The following SNHG17 variants were observed in gnomAD, a reference collection of about 807,000 sequenced individuals.
SNHG17 encodes small nucleolar RNA host gene 17 (non-protein coding).
intron 3 of SNHG17, chr20:38,427,323 A>G (rs2084266777): frequency 2.0e-6 from 1 of 509,820 alleles, no homozygotes; most frequent in Non-Finnish European, 3.9e-6. Flanking sequence ...TGAAAGCTTC[A>G]GGGTTCGGAT....
chr20:38,423,538 T>C (rs1234875412), intron 5 of SNHG17, among the ~76,000 whole-genome samples: 3 of 134,674 alleles, frequency 2.2e-5, no homozygotes, highest in East Asian at 2.3e-4. Context: ...ATCTCACTTA[T>C]GTGTGCAATG....
chr20:38,427,236 C>T (rs544131904), intron 3 of SNHG17: 23 of 414,518 alleles, frequency 5.5e-5, no homozygotes, highest in Non-Finnish European at 7.3e-5. Context: ...ATGATGCCCC[C>T]CCGCACTGAC....
intron 5 of SNHG17, among the ~76,000 whole-genome samples, chr20:38,424,033 G>A (rs748103717): frequency 7.9e-5 from 12 of 151,978 alleles, no homozygotes; most frequent in Non-Finnish European, 1.6e-4. Flanking sequence ...TTAGCTGGGC[G>A]TGGTGATGCA....
rs769813948 is a variant in SNHG17, at chr20:38,427,456, G to A, written n.381-953C>T. The stretch of plus-strand genomic sequence containing the variant: ...TCGGATGCAGGAGCAGAAACAGACA[G>A]GAGAGCCAGGAAGGGCAGGAGGATG... On this transcript the variant is annotated intron_variant and non_coding_transcript_variant, in intron 3 of 8. Transcript: ENST00000654008. The A allele has an allele frequency of 1.2e-5, 6 of 512,392 alleles. No homozygotes were observed. In the East Asian group the frequency reaches 3.3e-4, roughly 28 times the overall value. The allele number at this position is 512,392 out of a possible 1,614,324, so 31.7% of individuals were successfully genotyped here.
intron 2 of SNHG17, chr20:38,433,817 A>G (rs1295139503): frequency 1.9e-6 from 1 of 519,148 alleles, no homozygotes; most frequent in South Asian, 1.4e-5. Flanking sequence ...GCACTCACTA[A>G]TAAGACACCA....
intron 2 of SNHG17, among the ~76,000 whole-genome samples, chr20:38,432,609 G>C (rs962822831): frequency 2.0e-5 from 3 of 152,188 alleles, no homozygotes; most frequent in Admixed American, 2.0e-4. Flanking sequence ...GTGGGAAATA[G>C]CTCTGACCAC....
At chr20:38,425,903 T>C (rs2084238671) in intron 5 of SNHG17, 1 of 152,610 alleles carries the variant, frequency 6.6e-6, no homozygotes, top group Non-Finnish European at 1.5e-5. Context: ...ACAAAAAATT[T>C]CTAAAAATTA....
chr20:38,431,886 A>T (rs1600768144), intron 2 of SNHG17: 1 of 455,158 alleles, frequency 2.2e-6, no homozygotes, highest in East Asian at 1.6e-4. Flanking sequence ...GGGCCAGCAC[A>T]AAGACACTCT....
chr20:38,430,471 A>T (rs2084324439), intron 3 of SNHG17, among the ~76,000 whole-genome samples: 2 of 151,684 alleles, frequency 1.3e-5, no homozygotes, highest in South Asian at 4.2e-4. Context: ...AATAGAAAAA[A>T]TTAGCTGGAC....
intron 5 of SNHG17, among the ~76,000 whole-genome samples, chr20:38,423,797 T>C (rs996871567): frequency 2.2e-4 from 33 of 152,188 alleles, no homozygotes; most frequent in Admixed American, 2.0e-3. Context: ...GGCTTCACCA[T>C]AGTAACCACT....
chr20:38,435,268 T>C, exon 1 of SNHG17: 1 of 1,231,804 alleles, frequency 8.1e-7, no homozygotes, highest in South Asian at 4.1e-5. Context: ...GTCTGCAGAT[T>C]TCGAGAGATG....
intron 2 of SNHG17, chr20:38,433,751 C>T: frequency 2.0e-6 from 1 of 504,704 alleles, no homozygotes; most frequent in Non-Finnish European, 4.0e-6. Context: ...GGGACTCACC[C>T]CTCATAGACC....
At chr20:38,427,060 C>T (rs772255255) in intron 3 of SNHG17, among the ~76,000 whole-genome samples, 4 of 149,572 alleles carry the variant, frequency 2.7e-5, no homozygotes, top group African/African-American at 5.0e-5. Context: ...ACCCCAACCT[C>T]AAAGTCTCCC....
chr20:38,427,325 G>C (rs1287120393), intron 3 of SNHG17: 3 of 509,624 alleles, frequency 5.9e-6, no homozygotes. Flanking sequence ...AAAGCTTCAG[G>C]GTTCGGATGG....
intron 5 of SNHG17, among the ~76,000 whole-genome samples, chr20:38,424,408 A>G (rs1019809887): frequency 6.6e-6 from 1 of 152,146 alleles, no homozygotes; most frequent in Non-Finnish European, 1.5e-5. Context: ...ATCTAAGGCC[A>G]GAAGGAAAAT....
At chr20:38,424,267 A>T (rs1213545844) in intron 5 of SNHG17, among the ~76,000 whole-genome samples, 2 of 151,904 alleles carry the variant, frequency 1.3e-5, no homozygotes, top group Non-Finnish European at 1.5e-5. Flanking sequence ...CAGACCTGGG[A>T]TGGGTAATGA....
chr20:38,425,988 C>T (rs544566105), exon 5 of SNHG17: 4 of 146,136 alleles, frequency 2.7e-5, no homozygotes, highest in African/African-American at 5.1e-5. Context: ...GAGCCCAGGT[C>T]GAGGCTGCAG....
intron 1 of SNHG17, chr20:38,435,028 T>C (rs1578462): frequency 0.46 from 561,178 of 1,230,436 alleles, 135,377 homozygotes; most frequent in African/African-American, 0.88. Context: ...GCGACTCACC[T>C]GCCAGTGTCT....
intron 3 of SNHG17, chr20:38,426,535 C>T (rs2084251798): frequency 6.6e-6 from 1 of 151,674 alleles, no homozygotes; most frequent in African/African-American, 2.4e-5. Flanking sequence ...CATATCACTT[C>T]TTATAACACA....
Sources: allele counts gnomAD v4.1 joint callset (sites outside exome capture counted in the v4.1 genomes callset), GRCh38; gene constraint gnomAD v4.1.1; transcripts MANE v1.5; gene names NCBI Gene and HGNC (gene_info 2026-07-23, HGNC 2026-07-21).